Variants in TLCD4 observed in about 807,000 individuals in gnomAD.
TLCD4 encodes TLC domain containing 4.
TLCD4 carries 7 observed loss-of-function variants against 24.2 expected under a neutral mutation model. The ratio of observed to expected loss-of-function variants is 0.29; its 90% CI spans 0.16 to 0.54. The LOEUF (loss-of-function observed/expected upper bound fraction) is 0.54, where lower values mean the gene tolerates loss of function less well. Ranked by LOEUF, TLCD4 falls within the 20% of genes least tolerant of loss-of-function variation. The pLI, the probability that TLCD4 is intolerant of heterozygous loss-of-function variation, is 0.95. For missense variants in TLCD4, 259 were observed against 313.9 expected, an observed-to-expected ratio of 0.82 and a Z score of 1.32; for synonymous variants, 103 against 106.4, an observed-to-expected ratio of 0.97 and a Z score of 0.20.
the TLCD4 span, among the ~76,000 whole-genome samples, chr1:95,102,545 A>T: frequency 2.6e-5 from 4 of 152,198 alleles, no homozygotes; most frequent in Non-Finnish European, 5.9e-5. Flanking sequence ...ATTTTATTGC[A>T]TTTGAAGAAC....
chr1:95,112,190 C>T, the TLCD4 span, among the ~76,000 whole-genome samples: 1 of 152,046 alleles, frequency 6.6e-6, no homozygotes, highest in African/African-American at 2.4e-5. Flanking sequence ...GACATTGCCA[C>T]GTGTCTCCTG....
Position 95,151,429 on chromosome 1 carries a change from A to G in TLCD4, c.399+10A>G, listed in dbSNP as rs368233673. ...ATACTACCTTGTACTGGTGAGTTCC[A>G]GGATTTTCTGTAGCCTAACTAGCAG... On this transcript the variant is annotated intron_variant, in intron 5 of 6. Coordinates refer to ENST00000370203, the MANE Select transcript of TLCD4 (RefSeq NM_152487.3). 6.2e-7 allele frequency: 1 copy of G among 1,610,114 alleles called. No individual in the cohort carries two copies. The highest frequency in any genetic ancestry group is 1.3e-5 in the African/African-American group (1 of 74,738).
At chr1:95,115,108 T>TATATATATA (rs1676406146), upstream of TLCD4, among the ~76,000 whole-genome samples, 2 of 139,518 alleles carry the variant, frequency 1.4e-5, no homozygotes, top group African/African-American at 5.4e-5. Flanking sequence ...ATATATATAA[T>TATATATATA]ATATATGTTT....
intron 1 of TLCD4, among the ~76,000 whole-genome samples, chr1:95,142,774 AC>A (rs1302872500): frequency 6.6e-6 from 1 of 150,986 alleles, no homozygotes; most frequent in Non-Finnish European, 1.5e-5. Flanking sequence ...ACATGGTGAA[AC>A]CCCGTCTCTA....
chr1:95,094,412 C>T, the TLCD4 span, among the ~76,000 whole-genome samples: 1 of 152,016 alleles, frequency 6.6e-6, no homozygotes, highest in South Asian at 2.1e-4. Flanking sequence ...TGGGATTACA[C>T]CATGCCTGGC....
chr1:95,128,496 T>G (rs931048485), intron 1 of TLCD4, among the ~76,000 whole-genome samples: 3 of 152,204 alleles, frequency 2.0e-5, no homozygotes, highest in Non-Finnish European at 4.4e-5. Flanking sequence ...TTAAAATTAC[T>G]GTACCTATAA....
At chr1:95,141,792 TACACACACACAC>T (rs3075917) in intron 1 of TLCD4, among the ~76,000 whole-genome samples, 10,354 of 138,648 alleles carry the variant, frequency 0.075, 413 homozygotes, top group Non-Finnish European at 0.093. Flanking sequence ...TTTTACCAAG[TACACACACACAC>T]ACACACACAC....
At chr1:95,140,165 T>C (rs896577495) in intron 1 of TLCD4, among the ~76,000 whole-genome samples, 1 of 152,214 alleles carries the variant, frequency 6.6e-6, no homozygotes, top group Non-Finnish European at 1.5e-5. Context: ...TATAGTGTAG[T>C]AAATGCTTAA....
intron 5 of TLCD4, among the ~76,000 whole-genome samples, chr1:95,159,443 T>G (rs1175842999): frequency 6.6e-6 from 1 of 152,232 alleles, no homozygotes; most frequent in Non-Finnish European, 1.5e-5. Flanking sequence ...AAAAATTTTC[T>G]CTCATTCTGT....
intron 6 of TLCD4, among the ~76,000 whole-genome samples, chr1:95,191,271 G>A (rs1216143283): frequency 2.6e-5 from 4 of 152,054 alleles, no homozygotes; most frequent in African/African-American, 9.7e-5. Context: ...AATCAGTTGA[G>A]TATATTTGTG....
rs1047291454 is a variant in TLCD4 at position 95,192,311 on chromosome 1, AAGAG to A, written c.*447_*450del. The A allele has an allele frequency of 6.6e-6, 1 of 152,444 alleles. No individual in the cohort carries two copies. The highest frequency in any genetic ancestry group is 1.5e-5 in the Non-Finnish European group (1 of 68,384). The allele number at this position is 152,444 out of a possible 1,614,324, so 9.4% of individuals were successfully genotyped here. On this transcript the variant is annotated 3_prime_UTR_variant, in exon 7 of 7. Coordinates refer to ENST00000370203, the MANE Select transcript of TLCD4 (RefSeq NM_152487.3). ...AAGACTCTGTCTCAAAAAAAAAAAA[AAGAG>A]AGAAACTAAAATTAAAATTTAGTTT...
intron 6 of TLCD4, among the ~76,000 whole-genome samples, chr1:95,183,886 G>A (rs1678739055): frequency 6.6e-6 from 1 of 151,872 alleles, no homozygotes; most frequent in South Asian, 2.1e-4. Context: ...AAACAAGATT[G>A]GAGAATCAGA....
At chr1:95,169,920 T>C (rs1347385799) in intron 5 of TLCD4, among the ~76,000 whole-genome samples, 1 of 152,224 alleles carries the variant, frequency 6.6e-6, no homozygotes, top group African/African-American at 2.4e-5. Flanking sequence ...TACATGACTT[T>C]GAGGAGTCTG....
intron 2 of TLCD4, among the ~76,000 whole-genome samples, chr1:95,147,352 G>A (rs1202748347): frequency 6.6e-6 from 1 of 152,202 alleles, no homozygotes; most frequent in Non-Finnish European, 1.5e-5. Context: ...GGGATTACAG[G>A]TGTGAGCCAC....
intron 6 of TLCD4, among the ~76,000 whole-genome samples, chr1:95,175,104 C>G (rs941904639): frequency 6.6e-6 from 1 of 152,150 alleles, no homozygotes; most frequent in Non-Finnish European, 1.5e-5. Context: ...GAATACAGTT[C>G]AGTTGTGTTA....
the TLCD4 span, among the ~76,000 whole-genome samples, chr1:95,111,312 AC>A: frequency 3.5e-5 from 3 of 86,290 alleles, no homozygotes; most frequent in African/African-American, 7.2e-5. Context: ...ACAAAACAAA[AC>A]AAAACAAAAA....
At position 95,144,011 on chromosome 1, in the gene TLCD4, G is replaced by T; in HGVS notation, c.110G>T (p.Gly37Val). The change falls in exon 2 of 7, where the codon GGT (glycine) becomes GTT (valine). Residue 37 changes from glycine (G) to valine (V), a missense_variant. Gly to Val is a moderately radical substitution (Grantham distance 109, BLOSUM62 -3). Coordinates refer to ENST00000370203, the MANE Select transcript of TLCD4 (RefSeq NM_152487.3). The part of the protein sequence containing the change: ...SYWFSAKVSP[G>V]FNSLSFKKKI... Reference sequence around the variant, plus strand: ...TGGTTTTCAGCAAAAGTTTCTCCAGGTTTCAATAGTCTCAGCTTCAAAAAG... The same window carrying T: ...TGGTTTTCAGCAAAAGTTTCTCCAGTTTTCAATAGTCTCAGCTTCAAAAAG... The T allele has an allele frequency of 1.3e-6, 2 of 1,566,096 alleles. No homozygotes were observed. The highest frequency in any genetic ancestry group is 1.7e-6 in the Non-Finnish European group (2 of 1,157,676).
At chr1:95,102,559 G>C in the TLCD4 span, among the ~76,000 whole-genome samples, 1 of 152,088 alleles carries the variant, frequency 6.6e-6, no homozygotes, top group Non-Finnish European at 1.5e-5. Flanking sequence ...GAAGAACCTG[G>C]GAAAACATAG....
At chr1:95,176,311 T>A (rs1038199820) in intron 6 of TLCD4, among the ~76,000 whole-genome samples, 8 of 151,640 alleles carry the variant, frequency 5.3e-5, no homozygotes, top group African/African-American at 1.9e-4. Context: ...TGTGCCTCAG[T>A]CTCTTGAGTA....
Sources: allele counts gnomAD v4.1 joint callset (sites outside exome capture counted in the v4.1 genomes callset), GRCh38; gene constraint gnomAD v4.1.1; transcripts MANE v1.5; gene names NCBI Gene and HGNC (gene_info 2026-07-23, HGNC 2026-07-21).